KCTD1: variants seen among roughly 807,000 people sequenced by gnomAD.
KCTD1 encodes the protein potassium channel tetramerization domain containing 1, also known as BTB/POZ domain-containing protein KCTD1.
A neutral mutation model predicts 66.0 loss-of-function variants in KCTD1; 24 were observed. The ratio of observed to expected loss-of-function variants is 0.36; its 90% confidence interval spans 0.26 to 0.51. The LOEUF is 0.51. KCTD1 is among the 20% of genes least tolerant of loss of function. The probability of loss-of-function intolerance (pLI) is 0.95; values close to 1 mark genes in which losing one functional copy is unlikely to be tolerated. For synonymous variants in KCTD1, 511 were observed against 517.2 expected (o/e 0.99, Z 0.16); for missense variants, 943 against 1,205.2 (o/e 0.78, Z 3.22).
intron 1 of KCTD1, among the ~76,000 whole-genome samples, chr18:26,650,979 T>C (rs1988020206): frequency 6.6e-6 from 1 of 152,270 alleles, no homozygotes; most frequent in African/African-American, 2.4e-5. Flanking sequence ...TCCCATTGGA[T>C]AGAAAACAAA....
intron 3 of KCTD1, among the ~76,000 whole-genome samples, chr18:26,474,608 A>C (rs1382269283): frequency 1.3e-5 from 2 of 151,978 alleles, no homozygotes; most frequent in Non-Finnish European, 2.9e-5. Context: ...CTTTGGGAAA[A>C]TTTTGTTCAT....
chr18:26,581,775 A>T (rs1011629858), intron 1 of KCTD1: 1 of 152,184 alleles, frequency 6.6e-6, no homozygotes, highest in East Asian at 1.9e-4. Context: ...ATGAATGAAT[A>T]TAACACAACA....
upstream of KCTD1, among the ~76,000 whole-genome samples, chr18:26,550,565 G>C (rs868668033): frequency 8.4e-3 from 1,175 of 140,520 alleles, 17 homozygotes; most frequent in African/African-American, 0.027. The surrounding 1 kb of genome is among the most constrained non-coding windows in gnomAD (Gnocchi z 5.4). Flanking sequence ...AAGACACACA[G>C]ACACACACAC....
chr18:26,472,951 A>C (rs950581286), intron 3 of KCTD1, among the ~76,000 whole-genome samples: 3 of 152,202 alleles, frequency 2.0e-5, no homozygotes, highest in African/African-American at 7.2e-5. Context: ...CCCCTTGATC[A>C]TGTCTGAGAG....
At chr18:26,586,568 G>A (rs905283852) in intron 1 of KCTD1, among the ~76,000 whole-genome samples, 3 of 152,232 alleles carry the variant, frequency 2.0e-5, no homozygotes, top group Non-Finnish European at 4.4e-5. Context: ...TAGTGAGGAA[G>A]GCATGTTGAT....
intron 1 of KCTD1, chr18:26,566,672 G>A (rs1383904161): frequency 1.3e-5 from 2 of 152,076 alleles, no homozygotes; most frequent in Non-Finnish European, 2.9e-5. Context: ...TGCTGGAGCA[G>A]CCTGTGGGCC....
intron 1 of KCTD1, among the ~76,000 whole-genome samples, chr18:26,649,250 C>G (rs1475191397): frequency 6.6e-6 from 1 of 152,206 alleles, no homozygotes; most frequent in East Asian, 1.9e-4. Context: ...GCTCTCAACC[C>G]AGAGCATGGT....
chr18:26,602,111 T>A (rs1362268835), intron 1 of KCTD1, among the ~76,000 whole-genome samples: 1 of 152,146 alleles, frequency 6.6e-6, no homozygotes, highest in African/African-American at 2.4e-5. Context: ...TTAAGTATGA[T>A]GTTAGTTGTG....
At chr18:26,514,547 CTCAA>C (rs1398775610) in intron 1 of KCTD1, among the ~76,000 whole-genome samples, 1 of 81,032 alleles carries the variant, frequency 1.2e-5, no homozygotes, top group Non-Finnish European at 2.3e-5. Flanking sequence ...GAGACCTTGT[CTCAA>C]AAAAAAAAAA....
chr18:26,493,317 T>C (rs1363275852), intron 2 of KCTD1, among the ~76,000 whole-genome samples: 1 of 152,220 alleles, frequency 6.6e-6, no homozygotes, highest in Admixed American at 6.5e-5. Flanking sequence ...GTGTGATTTG[T>C]GATAGTGACA....
intron 1 of KCTD1, among the ~76,000 whole-genome samples, chr18:26,580,678 G>A (rs1277653793): frequency 6.6e-6 from 1 of 152,136 alleles, no homozygotes. Context: ...CTTAGAGCTG[G>A]GGTCAGCGTA....
intron 3 of KCTD1, among the ~76,000 whole-genome samples, chr18:26,471,219 G>A (rs903783771): frequency 8.6e-5 from 13 of 151,920 alleles, no homozygotes; most frequent in East Asian, 3.9e-4. Context: ...CTTTTCTTCC[G>A]TATGAGATAA....
intron 1 of KCTD1, among the ~76,000 whole-genome samples, chr18:26,627,184 AC>A (rs986589278): frequency 6.6e-6 from 1 of 151,874 alleles, no homozygotes; most frequent in Non-Finnish European, 1.5e-5. Context: ...ACTGTCTTCT[AC>A]AGCTTTTGAT....
intron 3 of KCTD1, among the ~76,000 whole-genome samples, chr18:26,460,321 TTG>T (rs1980350700): frequency 6.6e-6 from 1 of 152,236 alleles, no homozygotes; most frequent in African/African-American, 2.4e-5. Flanking sequence ...TCAAGTTTGA[TTG>T]TGTCGGTGAG....
In KCTD1 at chr18:26,546,853, G is replaced by T; in HGVS notation, c.1684C>A (p.Pro562Thr). The change falls in exon 1 of 5, where the codon CCT becomes ACT. Residue 562 changes from proline to threonine, a missense_variant. Pro to Thr is a conservative substitution (Grantham distance 38, BLOSUM62 -1). Coordinates refer to ENST00000580059, the MANE Select transcript of KCTD1 (RefSeq NM_001142730.3). ...GAAACCACCACCACCGCATCCACAG[G>T]CTCCGAGGGGCGGATACAAAGTCTT... ...PKRLCIRPSE[P>T]VDAVVVVSVK... 6.6e-7 allele frequency: 1 copy of T among 1,509,006 alleles called. No homozygotes were observed. The highest frequency in any genetic ancestry group is 8.8e-7 in the Non-Finnish European group (1 of 1,130,210). 93.5% of individuals were successfully genotyped at this position (1,509,006 alleles called of 1,614,324 possible).
chr18:26,547,534 CA>C lies in KCTD1; in HGVS notation c.1002del (p.Phe334LeufsTer85). ...CGACCGTCCTCGTCCATGGCCAGCC[CA>C]AAAGAGTCCTCCTCCAACTCACGCT... ...ENQRELEEDS[F>X]GLAMDEDGRK... On this transcript the variant is annotated frameshift_variant, in exon 1 of 5. Transcript: ENST00000580059. LOFTEE classifies it high-confidence loss of function. 6.4e-7 allele frequency: 1 copy of C among 1,551,654 alleles called. No homozygotes were observed. Among genetic ancestry groups the C allele is most frequent in the Admixed American group, 2.0e-5 (1 of 51,016 alleles).
intron 1 of KCTD1, among the ~76,000 whole-genome samples, chr18:26,601,997 C>T (rs1986909876): frequency 6.6e-6 from 1 of 151,778 alleles, no homozygotes; most frequent in Non-Finnish European, 1.5e-5. Context: ...GCCTAATTGC[C>T]CTTACCAGAA....
intron 1 of KCTD1, among the ~76,000 whole-genome samples, chr18:26,615,100 C>T (rs1987220504): frequency 6.6e-6 from 1 of 152,186 alleles, no homozygotes; most frequent in Admixed American, 6.5e-5. Context: ...ATCATAACAT[C>T]CTCCCCACCT....
In KCTD1 at chr18:26,458,299, T is replaced by A. The variant is rs559730647; in HGVS notation, c.2439+1321A>T. ...TCTGTTCATATATTTTAAAGAGTTA[T>A]AAATAGTAGTGGAACAATCCTCAAG... On this transcript the variant is annotated intron_variant, in intron 4 of 4. Coordinates refer to ENST00000580059, the MANE Select transcript of KCTD1 (RefSeq NM_001142730.3). 3 of 152,340 alleles carry A rather than the reference T, an allele frequency of 2.0e-5. No individual in the cohort carries two copies. The South Asian group carries it at 6.2e-4, about 32-fold the overall frequency. The allele number at this position is 152,340 out of a possible 1,614,324, so 9.4% of individuals were successfully genotyped here. A position where few individuals can be genotyped will look rare whatever the true frequency, so the allele number is the denominator to read the frequency against.
Sources: allele counts gnomAD v4.1 joint callset (sites outside exome capture counted in the v4.1 genomes callset), GRCh38; gene constraint gnomAD v4.1.1; non-coding constraint Gnocchi (gnomAD v3.1); transcripts MANE v1.5; gene names NCBI Gene and HGNC (gene_info 2026-07-23, HGNC 2026-07-21).